RANBP2: variants seen among roughly 807,000 people sequenced by gnomAD.
The protein encoded by RANBP2 is RAN binding protein 2.
A neutral mutation model predicts 303.6 loss-of-function variants in RANBP2; 57 were observed. The ratio of observed to expected loss-of-function variants is 0.19; its 90% CI spans 0.15 to 0.23. The LOEUF (loss-of-function observed/expected upper bound fraction) is 0.23, where lower values mean the gene tolerates loss of function less well. Ranked by LOEUF, RANBP2 falls within the 10% of genes least tolerant of loss-of-function variation. The pLI is 1.00. For synonymous variants in RANBP2, 1,167 were observed against 1,301.5 expected (o/e 0.90, Z 2.23); for missense variants, 3,138 against 3,780.8 (o/e 0.83, Z 4.46).
intron 18 of RANBP2, among the ~76,000 whole-genome samples, chr2:108,760,733 G>A (rs1013248960): frequency 6.6e-6 from 1 of 152,056 alleles, no homozygotes; most frequent in Non-Finnish European, 1.5e-5. Flanking sequence ...CAGTTGTTTG[G>A]TTTCTTGGTA....
chr2:109,698,430 C>T, the RANBP2 span, among the ~76,000 whole-genome samples: 2 of 150,668 alleles, frequency 1.3e-5, no homozygotes, highest in African/African-American at 4.9e-5. Context: ...CGCGCCACTG[C>T]ACTCCAGCCT....
chr2:108,850,060 G>A, the RANBP2 span, among the ~76,000 whole-genome samples: 1 of 152,212 alleles, frequency 6.6e-6, no homozygotes, highest in Admixed American at 6.5e-5. Flanking sequence ...AGGAAGAAAT[G>A]TCAGAGCCAG....
At chr2:109,742,437 AAAAC>A in the RANBP2 span, among the ~76,000 whole-genome samples, 30,362 of 144,886 alleles carry the variant, frequency 0.21, 4,910 homozygotes, top group East Asian at 0.38. Context: ...AACAAAAACA[AAAAC>A]AAACAAACAA....
At chr2:108,747,566 G>T (rs984353925) in intron 8 of RANBP2, among the ~76,000 whole-genome samples, 1 of 152,134 alleles carries the variant, frequency 6.6e-6, no homozygotes, top group African/African-American at 2.4e-5. Context: ...TCCTTAAAGT[G>T]ACTTTCTACT....
rs527775025 is a variant in RANBP2, at chr2:108,734,364, A to G, written c.406-1168A>G. On this transcript the variant is annotated intron_variant, in intron 4 of 28. Coordinates refer to ENST00000283195, the MANE Select transcript of RANBP2 (RefSeq NM_006267.5). ...AAGTGTCAGAGTGGAGAAAGTGAGT[A>G]TTAGTACTAAAATGGTATTTTGTTT... Among the ~76,000 whole-genome samples, 18 of 152,290 alleles carry G rather than the reference A, an allele frequency of 1.2e-4. No individual in the cohort carries two copies. In the East Asian group the frequency reaches 2.1e-3, roughly 18 times the overall value.
the RANBP2 span, among the ~76,000 whole-genome samples, chr2:109,368,565 T>A: frequency 6.6e-6 from 1 of 152,082 alleles, no homozygotes; most frequent in East Asian, 1.9e-4. Flanking sequence ...TATTCTAATA[T>A]TCACTTGCTT....
At chr2:109,079,824 C>T in the RANBP2 span, among the ~76,000 whole-genome samples, 1 of 152,206 alleles carries the variant, frequency 6.6e-6, no homozygotes, top group South Asian at 2.1e-4. Context: ...GAATTCTCTA[C>T]ACAGACAGGT....
At chr2:109,266,291 TGTG>T in the RANBP2 span, among the ~76,000 whole-genome samples, 1 of 148,914 alleles carries the variant, frequency 6.7e-6, no homozygotes, top group Admixed American at 6.6e-5. Flanking sequence ...ATGTTTGTGT[TGTG>T]TGTATGTGTT....
At chr2:109,679,603 G>T in the RANBP2 span, among the ~76,000 whole-genome samples, 15 of 152,310 alleles carry the variant, frequency 9.8e-5, no homozygotes, top group East Asian at 2.7e-3. Flanking sequence ...TTTTCCAGCT[G>T]CCTGCAGTAA....
At chr2:108,800,339 A>G in the RANBP2 span, among the ~76,000 whole-genome samples, 4 of 152,098 alleles carry the variant, frequency 2.6e-5, no homozygotes, top group African/African-American at 9.7e-5. Context: ...ATCTCGGCTC[A>G]CTACAACCTC....
At chr2:108,839,373 T>G in the RANBP2 span, 3 of 1,276,244 alleles carry the variant, frequency 2.4e-6, no homozygotes, top group Non-Finnish European at 3.3e-6. Flanking sequence ...TGTTTCACAA[T>G]ATCTGTTTTG....
At chr2:109,356,374 C>G in the RANBP2 span, among the ~76,000 whole-genome samples, 8 of 152,196 alleles carry the variant, frequency 5.3e-5, no homozygotes, top group African/African-American at 1.9e-4. Context: ...GCAGCTAGGT[C>G]TATGTTGGAC....
At chr2:108,758,731 A>C (rs1449046149) in intron 18 of RANBP2, among the ~76,000 whole-genome samples, 183 bp downstream of exon 18, 1 of 150,506 alleles carries the variant, frequency 6.6e-6, no homozygotes, top group Non-Finnish European at 1.5e-5. Flanking sequence ...CCCAAGCAGA[A>C]AAAACGAGCC....
chr2:109,349,018 T>C, the RANBP2 span, among the ~76,000 whole-genome samples: 1 of 152,120 alleles, frequency 6.6e-6, no homozygotes, highest in Non-Finnish European at 1.5e-5. Flanking sequence ...TGTGTCAGTA[T>C]TTCTCTCTCT....
chr2:108,940,873 C>T, the RANBP2 span, among the ~76,000 whole-genome samples: 1 of 152,178 alleles, frequency 6.6e-6, no homozygotes, highest in Non-Finnish European at 1.5e-5. Context: ...TAAAACTAAT[C>T]ACGTTTATTG....
chr2:108,991,580 G>T, the RANBP2 span, among the ~76,000 whole-genome samples: 1,350 of 152,302 alleles, frequency 8.9e-3, 26 homozygotes, highest in African/African-American at 0.031. Flanking sequence ...CCCTTCATGA[G>T]GTGTGCTCAA....
At chr2:109,277,630 T>G in the RANBP2 span, among the ~76,000 whole-genome samples, 5 of 152,182 alleles carry the variant, frequency 3.3e-5, no homozygotes, top group African/African-American at 1.2e-4. Context: ...GAACTGACTC[T>G]GAATTAAACA....
the RANBP2 span, chr2:108,798,522 ATGCCT>A: frequency 6.2e-7 from 1 of 1,614,010 alleles, no homozygotes; most frequent in Non-Finnish European, 8.5e-7. Flanking sequence ...AGACATGAAA[ATGCCT>A]TGAGTAAAAT....
At chr2:109,412,517 G>A in the RANBP2 span, among the ~76,000 whole-genome samples, 8 of 152,346 alleles carry the variant, frequency 5.3e-5, no homozygotes, top group Middle Eastern at 3.4e-3. Context: ...CACTCTTCCC[G>A]CTGCTGCAGA....
Sources: gnomAD v4.1 joint callset for allele counts (sites outside exome capture counted in the v4.1 genomes callset) on GRCh38, gnomAD v4.1.1 for gene constraint, MANE v1.5 for transcripts, NCBI Gene and HGNC (gene_info 2026-07-23, HGNC 2026-07-21) for gene names.